Variants in DLGAP1 observed in about 807,000 individuals in gnomAD.
The protein encoded by DLGAP1 is DLG associated protein 1, also known as disks large-associated protein 1.
DLGAP1 carries 11 observed loss-of-function variants against 90.8 expected under a neutral mutation model. The observed-to-expected ratio is 0.12, with a 90% CI of 0.08 to 0.20. DLGAP1 has a LOEUF of 0.20. Among genes scored for constraint, DLGAP1 ranks in the 10% least tolerant of loss-of-function variants. The pLI is 1.00. For missense variants in DLGAP1, 1,050 were observed against 1,333.8 expected, an observed-to-expected ratio of 0.79 and a Z score of 3.31; for synonymous variants, 558 against 540.7, an observed-to-expected ratio of 1.03 and a Z score of -0.44.
chr18:4,174,317 T>TTTTTA (rs201558244), intron 1 of DLGAP1, among the ~76,000 whole-genome samples: 4 of 152,054 alleles, frequency 2.6e-5, no homozygotes, highest in African/African-American at 7.2e-5. Flanking sequence ...AACTTCATTG[T>TTTTTA]TTTTATTTTA....
intron 2 of DLGAP1, among the ~76,000 whole-genome samples, chr18:4,113,162 T>G (rs919669843): frequency 1.3e-5 from 2 of 152,182 alleles, no homozygotes; most frequent in African/African-American, 4.8e-5. Flanking sequence ...AGTTCCGTTT[T>G]AAATTATTTG....
intron 3 of DLGAP1, among the ~76,000 whole-genome samples, chr18:3,925,212 C>T (rs914268261): frequency 6.6e-6 from 1 of 152,020 alleles, no homozygotes; most frequent in Non-Finnish European, 1.5e-5. Context: ...CTCAGCCTCC[C>T]AAAGTGCTGG....
chr18:3,550,781 G>A (rs1391779689), intron 9 of DLGAP1, among the ~76,000 whole-genome samples: 2 of 118,976 alleles, frequency 1.7e-5, no homozygotes, highest in African/African-American at 3.2e-5. Context: ...TCACTCTGTC[G>A]CCCAGGCTGG....
intron 1 of DLGAP1, among the ~76,000 whole-genome samples, chr18:4,371,951 C>T (rs1256042206): frequency 3.9e-5 from 6 of 152,230 alleles, no homozygotes; most frequent in Non-Finnish European, 8.8e-5. Flanking sequence ...TCTCTCTGAA[C>T]ATAGAATATT....
chr18:3,630,296 G>C (rs745968550), intron 7 of DLGAP1, among the ~76,000 whole-genome samples: 6 of 152,132 alleles, frequency 3.9e-5, no homozygotes, highest in Non-Finnish European at 8.8e-5. Flanking sequence ...CCAGCCTTCA[G>C]ACTTGGCCTG....
At chr18:4,362,675 A>ATG (rs2081655426) in intron 1 of DLGAP1, among the ~76,000 whole-genome samples, 1 of 152,166 alleles carries the variant, frequency 6.6e-6, no homozygotes. Flanking sequence ...TTGCATGACA[A>ATG]TATGAATGTA....
intron 2 of DLGAP1, among the ~76,000 whole-genome samples, chr18:4,062,916 A>G (rs1250180726): frequency 6.6e-6 from 1 of 152,168 alleles, no homozygotes; most frequent in East Asian, 1.9e-4. Flanking sequence ...CAAGCTCCAT[A>G]TAATCCTTAG....
chr18:3,717,039 CTTTTTT>C (rs56981271), intron 7 of DLGAP1, among the ~76,000 whole-genome samples: 29,960 of 113,582 alleles, frequency 0.26, 3,658 homozygotes, highest in East Asian at 0.47. Context: ...GTGAGTTTGC[CTTTTTT>C]TTTTTTTTTT....
intron 3 of DLGAP1, among the ~76,000 whole-genome samples, chr18:3,943,469 T>TC (rs2072813003): frequency 2.0e-5 from 3 of 150,312 alleles, no homozygotes; most frequent in Admixed American, 6.6e-5. Flanking sequence ...TTTTTTTTTT[T>TC]CTGGCATGAG....
In DLGAP1 at chr18:3,757,823, A is replaced by T. The variant is rs144655508; in HGVS notation, c.1173-15311T>A. Among the ~76,000 whole-genome samples, 25 of 152,286 alleles carry T rather than the reference A, an allele frequency of 1.6e-4. 1 individual carries two copies. The East Asian group carries it at 2.5e-3, about 15-fold the overall frequency. On this transcript the variant is annotated intron_variant, in intron 5 of 12. Transcript: ENST00000315677. ...TGGAAGACTGAAGGCTTTTTCTATA[A>T]GACTGAGAGAGGGTGGACGCGGTGG... is the stretch of plus-strand genomic sequence containing the variant.
intron 4 of DLGAP1, chr18:3,821,766 C>T (rs533082614): frequency 1.2e-5 from 4 of 345,994 alleles, no homozygotes; most frequent in African/African-American, 2.2e-5. Context: ...ATCCCAACAG[C>T]GTTTTAGCAT....
rs1050069415 is a variant in DLGAP1 at position 4,171,043 on chromosome 18, AT to A, written c.-266-19757del. 8.7e-4 allele frequency among the ~76,000 whole-genome samples: 132 copies of A among 152,042 alleles called. 1 individual carries two copies. The highest frequency in any genetic ancestry group is 3.0e-3 in the African/African-American group (123 of 41,450). Reference sequence around the variant, plus strand: ...TGTGTGTAAATATCATAAATAGGATATTATTCATATTTTTAAATCCTCCAGT... The same window carrying A: ...TGTGTGTAAATATCATAAATAGGATATATTCATATTTTTAAATCCTCCAGT... On this transcript the variant is annotated intron_variant, in intron 1 of 12. Coordinates refer to ENST00000315677, the MANE Select transcript of DLGAP1 (RefSeq NM_004746.4).
At chr18:3,535,690 AGAGT>A (rs1298912003) in intron 9 of DLGAP1, among the ~76,000 whole-genome samples, 2 of 149,130 alleles carry the variant, frequency 1.3e-5, no homozygotes, top group Non-Finnish European at 3.0e-5. Flanking sequence ...CCTGGGTGAC[AGAGT>A]GAGATTCTGT....
At chr18:4,336,801 C>G (rs2081075994) in intron 1 of DLGAP1, among the ~76,000 whole-genome samples, 1 of 151,982 alleles carries the variant, frequency 6.6e-6, no homozygotes, top group South Asian at 2.1e-4. Flanking sequence ...GAGTCTCTCT[C>G]CTATTAGAGT....
chr18:3,616,594 A>AC (rs1362277291), intron 7 of DLGAP1, among the ~76,000 whole-genome samples: 1 of 148,768 alleles, frequency 6.7e-6, no homozygotes, highest in Non-Finnish European at 1.5e-5. Flanking sequence ...CACAAAACAA[A>AC]AAAAAAAAAA....
chr18:3,511,201 T>C lies in DLGAP1; in HGVS notation c.2480-2540A>G, dbSNP rs1472792364. Among the ~76,000 whole-genome samples the C allele has an allele frequency of 3.3e-5, 5 of 152,192 alleles. 1 individual carries two copies. The highest frequency in any genetic ancestry group is 7.2e-5 in the African/African-American group (3 of 41,430). On this transcript the variant is annotated intron_variant, in intron 10 of 12. Transcript: ENST00000315677. ...CTTGGGAGAAGCAGATGACAACTCATATTTCCTTGTCCTCCACACTTTCTT... is the reference window on the plus strand; with the variant it reads ...CTTGGGAGAAGCAGATGACAACTCACATTTCCTTGTCCTCCACACTTTCTT...
intron 4 of DLGAP1, among the ~76,000 whole-genome samples, chr18:3,851,360 C>T (rs1176026079): frequency 1.3e-5 from 2 of 152,070 alleles, no homozygotes; most frequent in Non-Finnish European, 2.9e-5. Flanking sequence ...TGAAGTGATC[C>T]ATGAAGTAAT....
At chr18:3,588,166 A>T (rs2056003317) in intron 7 of DLGAP1, among the ~76,000 whole-genome samples, 1 of 152,186 alleles carries the variant, frequency 6.6e-6, no homozygotes, top group South Asian at 2.1e-4. Context: ...TTAAGAAGTT[A>T]TATATTTTTG....
intron 1 of DLGAP1, among the ~76,000 whole-genome samples, chr18:4,263,202 G>A (rs2145279217): frequency 6.6e-6 from 1 of 152,280 alleles, no homozygotes; most frequent in East Asian, 1.9e-4. Context: ...AAAGTGTTGG[G>A]ATTACAGGTG....
Sources: allele counts gnomAD v4.1 joint callset (sites outside exome capture counted in the v4.1 genomes callset), GRCh38; gene constraint gnomAD v4.1.1; transcripts MANE v1.5; gene names NCBI Gene and HGNC (gene_info 2026-07-23, HGNC 2026-07-21).